The following MRPL1 variants were observed in gnomAD, a reference collection of about 807,000 sequenced individuals.
The protein encoded by MRPL1 is large ribosomal subunit protein uL1m.
A neutral mutation model predicts 38.0 loss-of-function variants in MRPL1; 28 were observed. The observed-to-expected ratio is 0.74, with a 90% CI of 0.55 to 1.01. MRPL1 has a LOEUF of 1.01. Among genes scored for constraint, MRPL1 ranks in the 50% least tolerant of loss-of-function variants. MRPL1 has a pLI of 0.00. For missense variants in MRPL1, 358 were observed against 389.8 expected (o/e 0.92, Z 0.69); for synonymous variants, 123 against 126.7 (o/e 0.97, Z 0.20).
At chr4:77,894,277 T>G (rs755376056) in intron 6 of MRPL1, 27 bp downstream of exon 6, 1 of 1,364,248 alleles carries the variant, frequency 7.3e-7, no homozygotes, top group Admixed American at 2.0e-5. Flanking sequence ...TATTTCAATA[T>G]CCTGTCAACA....
intron 7 of MRPL1, among the ~76,000 whole-genome samples, chr4:77,912,503 A>T (rs1231654713): frequency 6.6e-6 from 1 of 152,196 alleles, no homozygotes; most frequent in Non-Finnish European, 1.5e-5. Flanking sequence ...TCTGACAAAG[A>T]TGTGGAAGAT....
intron 7 of MRPL1, among the ~76,000 whole-genome samples, chr4:77,924,198 T>C (rs913286725): frequency 5.6e-5 from 8 of 142,174 alleles, no homozygotes; most frequent in Admixed American, 3.6e-4. Context: ...GATTGTTAGA[T>C]TTTTGCATCT....
rs558466252 is a variant in MRPL1 at position 77,937,021 on chromosome 4, A to G, written c.778-12776A>G. On this transcript the variant is annotated intron_variant, in intron 7 of 8. Coordinates refer to ENST00000315567, the MANE Select transcript of MRPL1 (RefSeq NM_020236.4). ...ATGCCTGTGGTCCTGGCTACTTGAG[A>G]GGCTGAGATAGGAAGATTGCTTGAG... Among the ~76,000 whole-genome samples, 14 of 152,142 alleles carry G rather than the reference A, an allele frequency of 9.2e-5. No individual in the cohort carries two copies. The East Asian group carries it at 2.7e-3, about 29-fold the overall frequency.
intron 2 of MRPL1, among the ~76,000 whole-genome samples, chr4:77,877,164 T>TA (rs1735415124): frequency 6.6e-6 from 1 of 152,212 alleles, no homozygotes; most frequent in African/African-American, 2.4e-5. Context: ...CCTCCCAAAG[T>TA]GCTGGGATTA....
chr4:77,883,296 A>C lies in MRPL1; in HGVS notation c.198A>C (p.Lys66Asn). The C allele has an allele frequency of 6.2e-7, 1 of 1,601,190 alleles. No homozygotes were observed. The highest frequency in any genetic ancestry group is 8.5e-7 in the Non-Finnish European group (1 of 1,176,446). ...GAKEKTPDEK[K>N]DEIEKIKAYP... ...AAGAAAAAACACCAGATGAGAAAAA[A>C]GATGAAATAGAAAAAATAAAAGCAT... Residue 66 changes from lysine (K) to asparagine (N), a missense_variant, in exon 3 of 9, where the codon AAA becomes AAC. Coordinates refer to ENST00000315567, the MANE Select transcript of MRPL1 (RefSeq NM_020236.4).
intron 7 of MRPL1, among the ~76,000 whole-genome samples, chr4:77,925,301 T>C (rs1736688895): frequency 6.6e-6 from 1 of 151,898 alleles, no homozygotes; most frequent in Non-Finnish European, 1.5e-5. Context: ...TGTATTTAAC[T>C]GTGAATAGAT....
At chr4:77,921,165 C>A (rs987992155) in intron 7 of MRPL1, among the ~76,000 whole-genome samples, 1 of 152,204 alleles carries the variant, frequency 6.6e-6, no homozygotes, top group African/African-American at 2.4e-5. Context: ...TAATAACTCT[C>A]TGTCCCTTTA....
Position 77,915,258 on chromosome 4 carries a change from G to A in MRPL1, c.777+5886G>A, listed in dbSNP as rs576413383. Among the ~76,000 whole-genome samples the A allele has an allele frequency of 2.6e-4, 40 of 152,276 alleles. No individual in the cohort carries two copies. The South Asian group carries it at 7.9e-3, about 30-fold the overall frequency. ...TGTATCAATGTGCTAAATATGGTCA[G>A]TTGAATGATCTTTCTTAATTATTTA... is the stretch of plus-strand genomic sequence containing the variant. On this transcript the variant is annotated intron_variant, in intron 7 of 8. Coordinates refer to ENST00000315567, the MANE Select transcript of MRPL1 (RefSeq NM_020236.4).
intron 7 of MRPL1, among the ~76,000 whole-genome samples, chr4:77,939,947 C>A (rs960556270): frequency 6.6e-6 from 1 of 152,056 alleles, no homozygotes; most frequent in African/African-American, 2.4e-5. Flanking sequence ...TGACTATGGC[C>A]TTATAGTATA....
intron 8 of MRPL1, among the ~76,000 whole-genome samples, chr4:77,952,089 C>T (rs1737425336): frequency 6.6e-6 from 1 of 152,172 alleles, no homozygotes; most frequent in East Asian, 1.9e-4. Flanking sequence ...TGGCAGAAGG[C>T]GCTTCTTACA....
At chr4:77,905,739 T>G (rs1352336079) in intron 6 of MRPL1, among the ~76,000 whole-genome samples, 1 of 152,200 alleles carries the variant, frequency 6.6e-6, no homozygotes, top group Non-Finnish European at 1.5e-5. Context: ...TATATACATT[T>G]TTTGATATTC....
intron 7 of MRPL1, among the ~76,000 whole-genome samples, chr4:77,927,568 G>A (rs1039473148): frequency 6.6e-6 from 1 of 151,584 alleles, no homozygotes; most frequent in Admixed American, 6.6e-5. Flanking sequence ...AAATATGGAT[G>A]TTACTTGTTC....
intron 2 of MRPL1, among the ~76,000 whole-genome samples, chr4:77,881,866 A>C (rs569181164): frequency 6.6e-6 from 1 of 152,262 alleles, no homozygotes; most frequent in South Asian, 2.1e-4. Flanking sequence ...AATTGTTTTC[A>C]ATCCTACTTC....
intron 8 of MRPL1, among the ~76,000 whole-genome samples, chr4:77,951,166 G>T (rs940901241): frequency 2.0e-5 from 3 of 152,200 alleles, no homozygotes; most frequent in African/African-American, 7.2e-5. Flanking sequence ...CACGGTGTCC[G>T]GCTGTCTTTT....
At chr4:77,949,607 A>T (rs1367702815) in intron 7 of MRPL1, among the ~76,000 whole-genome samples, 190 bp from the exon 8 acceptor site, 1 of 152,214 alleles carries the variant, frequency 6.6e-6, no homozygotes, top group African/African-American at 2.4e-5. Flanking sequence ...CTATAAATCT[A>T]TTAAATCTTG....
At chr4:77,876,141 T>C (rs769702848) in intron 2 of MRPL1, among the ~76,000 whole-genome samples, 7 of 152,050 alleles carry the variant, frequency 4.6e-5, no homozygotes, top group African/African-American at 9.7e-5. Context: ...CCTTGCTAAT[T>C]TTTGTAGTTT....
chr4:77,871,053 A>G (rs1206881335), intron 1 of MRPL1, among the ~76,000 whole-genome samples: 1 of 152,110 alleles, frequency 6.6e-6, no homozygotes. Context: ...TAATAGAACT[A>G]ACATACTCTG....
chr4:77,889,021 C>T (rs1327388615), intron 5 of MRPL1, among the ~76,000 whole-genome samples: 2 of 152,114 alleles, frequency 1.3e-5, no homozygotes, highest in African/African-American at 4.8e-5. Flanking sequence ...GACTCCCACA[C>T]AATAATAATG....
intron 7 of MRPL1, among the ~76,000 whole-genome samples, chr4:77,945,172 C>T (rs199934320): frequency 7.9e-4 from 87 of 109,822 alleles, no homozygotes; most frequent in Middle Eastern, 0.01. Flanking sequence ...ATTATTATTA[C>T]TACTACTACT....
Sources: gnomAD v4.1 joint callset for allele counts (sites outside exome capture counted in the v4.1 genomes callset) on GRCh38, gnomAD v4.1.1 for gene constraint, MANE v1.5 for transcripts, NCBI Gene and HGNC (gene_info 2026-07-23, HGNC 2026-07-21) for gene names.